Variants in SLCO5A1 observed in about 807,000 individuals in gnomAD.
SLCO5A1 encodes organic anion transporter polypeptide-related protein 4.
SLCO5A1 carries 39 observed loss-of-function variants against 65.1 expected under a neutral mutation model. The observed-to-expected ratio is 0.60, with a 90% CI of 0.46 to 0.78. The LOEUF is 0.78. Ranked by LOEUF, SLCO5A1 falls within the 30% of genes least tolerant of loss-of-function variation. The pLI is 0.00. For synonymous variants in SLCO5A1, 438 were observed against 415.7 expected (o/e 1.05, Z -0.65); for missense variants, 1,029 against 1,069.4 (o/e 0.96, Z 0.53).
In SLCO5A1 at chr8:69,669,639, ACC is replaced by A. The variant is rs905102489; in HGVS notation, c.*3228_*3229del. 6.6e-6 allele frequency: 1 copy of A among 152,134 alleles called. No homozygotes were observed. The highest frequency in any genetic ancestry group is 1.5e-5 in the Non-Finnish European group (1 of 68,066). The allele number at this position is 152,134 out of a possible 1,614,324, so 9.4% of individuals were successfully genotyped here. A position where few individuals can be genotyped will look rare whatever the true frequency, so the allele number is the denominator to read the frequency against. On this transcript the variant is annotated 3_prime_UTR_variant, in exon 10 of 10. Coordinates refer to ENST00000260126, the MANE Select transcript of SLCO5A1 (RefSeq NM_030958.3). ...AGACCAGCCTGGCCAACATGGTGAAACCCTCTCTCTACTAAAAATAGAAAAAA... is the reference window on the plus strand; with the variant it reads ...AGACCAGCCTGGCCAACATGGTGAAACTCTCTCTACTAAAAATAGAAAAAA...
intron 6 of SLCO5A1, among the ~76,000 whole-genome samples, chr8:69,684,261 A>C (rs1275817267): frequency 6.6e-6 from 1 of 152,186 alleles, no homozygotes; most frequent in African/African-American, 2.4e-5. Context: ...TGGCAACGTC[A>C]GGAGACAATT....
chr8:69,802,622 C>T (rs1031061498), intron 2 of SLCO5A1, among the ~76,000 whole-genome samples: 2 of 152,018 alleles, frequency 1.3e-5, no homozygotes, highest in East Asian at 1.9e-4. Context: ...AACATTGTGC[C>T]GCCTGCTCTG....
At chr8:69,733,673 C>T (rs557576556) in intron 5 of SLCO5A1, among the ~76,000 whole-genome samples, 9 of 152,296 alleles carry the variant, frequency 5.9e-5, no homozygotes, top group South Asian at 2.1e-4. Context: ...AGAGTTCTCA[C>T]GAGACGTGAT....
intron 3 of SLCO5A1, among the ~76,000 whole-genome samples, chr8:69,759,813 T>A (rs552990638): frequency 5.3e-5 from 8 of 152,192 alleles, no homozygotes; most frequent in African/African-American, 1.9e-4. Context: ...ACTCGGCTAA[T>A]TTTTTTGTAT....
At chr8:69,828,280 A>G (rs1323713126) in intron 2 of SLCO5A1, among the ~76,000 whole-genome samples, 41 of 151,728 alleles carry the variant, frequency 2.7e-4, no homozygotes, top group Non-Finnish European at 5.3e-4. Context: ...TTTTTTTAAA[A>G]AAAAAGCAAT....
intron 2 of SLCO5A1, among the ~76,000 whole-genome samples, chr8:69,828,556 C>T (rs4738031): frequency 0.061 from 9,216 of 151,482 alleles, 429 homozygotes; most frequent in East Asian, 0.25. Context: ...GAGCCGAGAC[C>T]GCTCCACTGC....
intron 2 of SLCO5A1, among the ~76,000 whole-genome samples, chr8:69,782,951 C>A (rs1466432987): frequency 6.7e-6 from 1 of 149,166 alleles, no homozygotes; most frequent in Admixed American, 6.7e-5. Flanking sequence ...CAGGGACTGG[C>A]TCTGTGATCC....
intron 4 of SLCO5A1, among the ~76,000 whole-genome samples, chr8:69,752,646 A>G (rs1038329664): frequency 2.6e-5 from 4 of 152,050 alleles, no homozygotes; most frequent in Non-Finnish European, 5.9e-5. Context: ...TAGCAAAAAC[A>G]TTTTCAGTGT....
In SLCO5A1 at chr8:69,705,090, T is replaced by C. The variant is rs1234734885; in HGVS notation, c.1563A>G (p.Leu521=). 1.2e-6 allele frequency: 2 copies of C among 1,614,034 alleles called. No individual in the cohort carries two copies. Among genetic ancestry groups the C allele is most frequent in the Non-Finnish European group, 8.5e-7 (1 of 1,180,026 alleles). ...SGVSLLCFST[L]FIVGCESINL... Reference sequence around the variant, plus strand: ...TAATGCTTTCACATCCAACAATAAATAGGGTTGAAAAACATAGTAAAGACA... The same window carrying C: ...TAATGCTTTCACATCCAACAATAAACAGGGTTGAAAAACATAGTAAAGACA... Residue 521 remains leucine, a synonymous_variant, in exon 6 of 10, where the codon CTA becomes CTG. Transcript: ENST00000260126.
At chr8:69,673,372 C>A in intron 9 of SLCO5A1, 46 bp from the exon 10 acceptor site, 1 of 1,515,632 alleles carries the variant, frequency 6.6e-7, no homozygotes, top group Non-Finnish European at 9.1e-7. Context: ...AGCACATCTT[C>A]CAAGGGAAAA....
At chr8:69,831,729 G>C in intron 2 of SLCO5A1, 38 bp downstream of exon 2, 8 of 1,559,958 alleles carry the variant, frequency 5.1e-6, no homozygotes, top group Non-Finnish European at 6.1e-6. Context: ...AAGTTTCAGT[G>C]TGAGTGAAAC....
chr8:69,679,307 C>T (rs528091705), intron 8 of SLCO5A1, 71 bp downstream of exon 8: 61 of 1,586,490 alleles, frequency 3.8e-5, no homozygotes, highest in Non-Finnish European at 4.9e-5. Flanking sequence ...ACATAAGCCC[C>T]TTGTCCTGGA....
chr8:69,685,249 T>C (rs1244812861), intron 6 of SLCO5A1, among the ~76,000 whole-genome samples: 1 of 152,244 alleles, frequency 6.6e-6, no homozygotes. Flanking sequence ...AATCATGTCC[T>C]GTCTGATTGT....
At chr8:69,830,813 G>A (rs753953232) in intron 2 of SLCO5A1, among the ~76,000 whole-genome samples, 5 of 152,070 alleles carry the variant, frequency 3.3e-5, no homozygotes, top group Non-Finnish European at 5.9e-5. Context: ...CCACAGCCAC[G>A]GCTTTTCAGA....
intron 4 of SLCO5A1, among the ~76,000 whole-genome samples, chr8:69,750,314 C>T (rs1293053791): frequency 6.6e-6 from 1 of 152,080 alleles, no homozygotes; most frequent in African/African-American, 2.4e-5. Context: ...CTAGTCGAAA[C>T]CTCTCCACTG....
chr8:69,786,023 G>A (rs1011676922), intron 2 of SLCO5A1, among the ~76,000 whole-genome samples: 3 of 152,148 alleles, frequency 2.0e-5, no homozygotes, highest in Admixed American at 6.5e-5. Flanking sequence ...AATTCTCAAG[G>A]ACATTTCTGG....
At chr8:69,802,024 G>A (rs1418247463) in intron 2 of SLCO5A1, among the ~76,000 whole-genome samples, 1 of 152,162 alleles carries the variant, frequency 6.6e-6, no homozygotes, top group Non-Finnish European at 1.5e-5. Flanking sequence ...GAATGAGAGA[G>A]TAGGACTTGC....
intron 6 of SLCO5A1, among the ~76,000 whole-genome samples, chr8:69,702,008 T>C (rs531431519): frequency 5.9e-5 from 9 of 152,348 alleles, no homozygotes; most frequent in Non-Finnish European, 1.3e-4. Context: ...TTAATTTATA[T>C]AGTATTTCTG....
rs1312341860 is a variant in SLCO5A1, at chr8:69,667,487, TCAATTAC to T, written c.*5375_*5381del. 1 of 152,218 alleles carries T rather than the reference TCAATTAC, an allele frequency of 6.6e-6. No individual in the cohort carries two copies. The highest frequency in any genetic ancestry group is 2.4e-5 in the African/African-American group (1 of 41,456). The allele number at this position is 152,218 out of a possible 1,614,324, so 9.4% of individuals were successfully genotyped here. A position where few individuals can be genotyped will look rare whatever the true frequency, so the allele number is the denominator to read the frequency against. ...TATTTGGTACTACTCTTACCAATTA[TCAATTAC>T]CAATTGCCAATAATCGGTACTAGTC... On this transcript the variant is annotated 3_prime_UTR_variant, in exon 10 of 10. Coordinates refer to ENST00000260126, the MANE Select transcript of SLCO5A1 (RefSeq NM_030958.3).
Sources: allele counts gnomAD v4.1 joint callset (sites outside exome capture counted in the v4.1 genomes callset), GRCh38; gene constraint gnomAD v4.1.1; transcripts MANE v1.5; gene names NCBI Gene and HGNC (gene_info 2026-07-23, HGNC 2026-07-21).